NHSL1: variants seen among roughly 807,000 people sequenced by gnomAD.
NHSL1 encodes NHS like 1, also known as NHS-like protein 1.
NHSL1 carries 48 observed loss-of-function variants against 95.0 expected under a neutral mutation model. That is an observed-to-expected ratio of 0.51 (90% CI 0.40 to 0.64). The LOEUF (loss-of-function observed/expected upper bound fraction) is 0.64, where lower values mean the gene tolerates loss of function less well. NHSL1 is among the 30% of genes least tolerant of loss of function. The pLI is 0.00. For synonymous variants in NHSL1, 783 were observed against 833.9 expected (o/e 0.94, Z 1.05); for missense variants, 1,971 against 2,077.7 (o/e 0.95, Z 1.00).
At chr6:138,609,743 C>T in intron 1 of NHSL1, among the ~76,000 whole-genome samples, 1 of 69,390 alleles carries the variant, frequency 1.4e-5, no homozygotes, top group African/African-American at 6.3e-5. Flanking sequence ...GAGCAAGACT[C>T]TGTCTCAAAA....
At chr6:138,575,254 C>T (rs141123014), upstream of NHSL1, among the ~76,000 whole-genome samples, 2 of 152,170 alleles carry the variant, frequency 1.3e-5, no homozygotes, top group Non-Finnish European at 1.5e-5. Context: ...TCAACTCCCC[C>T]TCCATGGAAT....
Position 138,512,381 on chromosome 6 carries a change from G to A in NHSL1, c.17-16010C>T, listed in dbSNP as rs371922883. ...AGAGCATCTATGGAGAACTCGTTCC[G>A]GCACGATGTCCCATGTTAAAATAGG... On this transcript the variant is annotated intron_variant, in intron 1 of 4. Coordinates refer to the NHSL1 transcript ENST00000342260. 101 of 446,928 alleles carry A rather than the reference G, an allele frequency of 2.3e-4. 2 individuals are homozygous for A. Among genetic ancestry groups the A allele is most frequent in the South Asian group, 1.4e-3 (86 of 62,070 alleles). The allele number at this position is 446,928 out of a possible 1,614,324, so 27.7% of individuals were successfully genotyped here. A position where few individuals can be genotyped will look rare whatever the true frequency, so the allele number is the denominator to read the frequency against.
Position 138,430,575 on chromosome 6 carries a change from T to A in NHSL1, c.3770A>T (p.His1257Leu). Residue 1257 changes from histidine (H) to leucine (L), a missense_variant, in exon 6 of 8, where the codon CAC becomes CTC. His to Leu is a moderately conservative substitution (Grantham distance 99). Transcript: ENST00000343505. This position sits in a 1 kb window ranked among gnomAD's most constrained non-coding sequence, Gnocchi z 4.7. The stretch of plus-strand genomic sequence containing the variant: ...TCCCTCAAGAACCGAGGTGCCAGGG[T>A]GCGTGGCATGAGAGCCAGCTTGGGC... ...SAAQAGSHAT[H>L]PGTSVLEGGA... 6.4e-7 allele frequency: 1 copy of A among 1,550,478 alleles called. No individual in the cohort carries two copies. Among genetic ancestry groups the A allele is most frequent in the South Asian group, 1.2e-5 (1 of 83,998 alleles).
chr6:138,519,057 C>A lies in NHSL1; in HGVS notation c.17-22686G>T, dbSNP rs192674800. ...AAATAAATAAATAAATAAATACATA[C>A]ATACATACATAATAAAATGCCACTT... On this transcript the variant is annotated intron_variant, in intron 1 of 4. Transcript: ENST00000342260. Among the ~76,000 whole-genome samples the A allele has an allele frequency of 1.1e-3, 171 of 150,392 alleles. 2 individuals are homozygous for A. The highest frequency in any genetic ancestry group is 9.8e-4 in the East Asian group (5 of 5,118).
At chr6:138,537,667 G>A (rs368504917) in intron 1 of NHSL1, among the ~76,000 whole-genome samples, 2 of 152,284 alleles carry the variant, frequency 1.3e-5, no homozygotes, top group African/African-American at 4.8e-5. Context: ...GGGATAAGAT[G>A]ATATGATTAA....
intron 1 of NHSL1, among the ~76,000 whole-genome samples, chr6:138,517,587 G>A (rs1280209250): frequency 6.6e-6 from 1 of 152,176 alleles, no homozygotes; most frequent in Non-Finnish European, 1.5e-5. Context: ...CAATGTCTGA[G>A]CACTTAGAGG....
intron 2 of NHSL1, among the ~76,000 whole-genome samples, chr6:138,475,132 A>G (rs1326663204): frequency 2.7e-5 from 4 of 150,718 alleles, no homozygotes; most frequent in African/African-American, 9.7e-5. Flanking sequence ...CTGGGCAACA[A>G]GAGTGAAACT....
At chr6:138,554,244 C>T (rs1783113907) in intron 1 of NHSL1, among the ~76,000 whole-genome samples, 1 of 152,190 alleles carries the variant, frequency 6.6e-6, no homozygotes, top group African/African-American at 2.4e-5. Flanking sequence ...GGTCCTTTCA[C>T]GTTGTGTATT....
rs1775509416 is a variant in NHSL1, at chr6:138,429,820, C to T, written c.3976G>A (p.Ala1326Thr). 5.2e-6 allele frequency: 8 copies of T among 1,551,538 alleles called. No individual in the cohort carries two copies. The South Asian group carries it at 7.1e-5, about 14-fold the overall frequency. The change falls in exon 7 of 8, where the codon GCC becomes ACC. Residue 1326 changes from alanine (A) to threonine (T), a missense_variant. Physicochemically the swap from Ala to Thr is moderately conservative, Grantham distance 58 (BLOSUM62 0). Transcript: ENST00000343505. ...TCACAGGCCTCTGAGGATGAACCGG[C>T]TGCGTTGGTCTCCGGCACCCCAGCT... is the stretch of plus-strand genomic sequence containing the variant. ...GAAGVPETNAAGSSSEACDFL... is the reference protein window; with the variant it reads ...GAAGVPETNATGSSSEACDFL...
chr6:138,536,602 C>CTTTTTTTTTTTT (rs563509738), intron 1 of NHSL1, among the ~76,000 whole-genome samples: 1 of 80,032 alleles, frequency 1.2e-5, no homozygotes, highest in Non-Finnish European at 2.4e-5. Context: ...CATATGTCAT[C>CTTTTTTTTTTTT]TTTTTTTTTT....
At chr6:138,650,098 C>G in intron 1 of NHSL1, 2 of 515,668 alleles carry the variant, frequency 3.9e-6, no homozygotes, top group Admixed American at 2.3e-5. Flanking sequence ...GAAACTGAAG[C>G]CCGGCTGGGC....
intron 1 of NHSL1, among the ~76,000 whole-genome samples, chr6:138,635,422 T>C (rs988741479): frequency 6.6e-6 from 1 of 152,088 alleles, no homozygotes; most frequent in Non-Finnish European, 1.5e-5. Flanking sequence ...TATATGCCAA[T>C]AAATTGGAAA....
At chr6:138,453,268 C>T (rs1422841312) in intron 3 of NHSL1, among the ~76,000 whole-genome samples, 1 of 152,164 alleles carries the variant, frequency 6.6e-6, no homozygotes, top group South Asian at 2.1e-4. Context: ...GCCACCATGC[C>T]CAGCCTAATT....
At chr6:138,666,980 C>T (rs771667010) in intron 1 of NHSL1, among the ~76,000 whole-genome samples, 30 of 152,074 alleles carry the variant, frequency 2.0e-4, no homozygotes, top group Non-Finnish European at 4.3e-4. Context: ...GCAACACCAA[C>T]GATACTGAAT....
intron 1 of NHSL1, among the ~76,000 whole-genome samples, chr6:138,660,642 A>G (rs12665656): frequency 0.051 from 7,604 of 149,366 alleles, 257 homozygotes; most frequent in Non-Finnish European, 0.076. Flanking sequence ...CTCCGTCTCA[A>G]AAAAAAAAAG....
At chr6:138,611,807 C>T (rs1393632394) in intron 1 of NHSL1, among the ~76,000 whole-genome samples, 3 of 150,600 alleles carry the variant, frequency 2.0e-5, no homozygotes, top group African/African-American at 4.9e-5. Flanking sequence ...GAAATAAATG[C>T]GACACTAAAA....
chr6:138,514,599 CCT>C (rs986588732), intron 1 of NHSL1, among the ~76,000 whole-genome samples: 6 of 151,918 alleles, frequency 3.9e-5, no homozygotes, highest in Non-Finnish European at 5.9e-5. Context: ...ATGTGGTCTC[CCT>C]CTCTCTTTTT....
At chr6:138,687,436 G>A (rs1408759970) in intron 1 of NHSL1, among the ~76,000 whole-genome samples, 2 of 152,186 alleles carry the variant, frequency 1.3e-5, no homozygotes, top group African/African-American at 2.4e-5. Context: ...TGTGAGGTAT[G>A]AGAATGCATC....
chr6:138,479,416 T>A (rs896997089), intron 2 of NHSL1, among the ~76,000 whole-genome samples: 1 of 152,174 alleles, frequency 6.6e-6, no homozygotes, highest in Admixed American at 6.5e-5. Context: ...TAAGGGTGAC[T>A]TGAATACAAG....
Sources: gnomAD v4.1 joint callset for allele counts (sites outside exome capture counted in the v4.1 genomes callset) on GRCh38, gnomAD v4.1.1 for gene constraint, Gnocchi (gnomAD v3.1) non-coding constraint, MANE v1.5 for transcripts, NCBI Gene and HGNC (gene_info 2026-07-23, HGNC 2026-07-21) for gene names.